Variants in PRKN observed in about 807,000 individuals in gnomAD.
PRKN encodes E3 ubiquitin-protein ligase parkin.
PRKN carries 56 observed loss-of-function variants against 59.5 expected under a neutral mutation model. The ratio of observed to expected loss-of-function variants is 0.94; its 90% CI spans 0.76 to 1.18. The LOEUF is 1.18. Among genes scored for constraint, PRKN ranks in the 50% most tolerant of loss-of-function variants. The pLI, the probability that PRKN is intolerant of heterozygous loss-of-function variation, is 0.00. For missense variants in PRKN, 657 were observed against 596.4 expected, an observed-to-expected ratio of 1.10 and a Z score of -1.06; for synonymous variants, 250 against 222.1, an observed-to-expected ratio of 1.13 and a Z score of -1.12.
chr6:162,274,714 A>G (rs1780543700), intron 2 of PRKN, among the ~76,000 whole-genome samples: 1 of 152,202 alleles, frequency 6.6e-6, no homozygotes, highest in African/African-American at 2.4e-5. Context: ...AGAATTTCTC[A>G]TAATCTAAAT....
chr6:162,603,443 C>A (rs1781786740), intron 1 of PRKN, among the ~76,000 whole-genome samples: 1 of 152,146 alleles, frequency 6.6e-6, no homozygotes, highest in South Asian at 2.1e-4. Flanking sequence ...GGAACCCAGT[C>A]CCACCCGTTC....
At chr6:161,890,218 C>A (rs1370708044) in intron 6 of PRKN, among the ~76,000 whole-genome samples, 1 of 152,162 alleles carries the variant, frequency 6.6e-6, no homozygotes, top group East Asian at 1.9e-4. Context: ...AGGCTTTCTT[C>A]CTGAGATGCT....
chr6:162,090,183 T>A (rs1779422276), intron 4 of PRKN, among the ~76,000 whole-genome samples: 1 of 152,062 alleles, frequency 6.6e-6, no homozygotes, highest in African/African-American at 2.4e-5. Context: ...TGTGTGTGTA[T>A]CAGATCATTA....
chr6:161,873,619 A>C (rs1794436064), intron 6 of PRKN, among the ~76,000 whole-genome samples: 1 of 151,902 alleles, frequency 6.6e-6, no homozygotes, highest in Non-Finnish European at 1.5e-5. Flanking sequence ...CCCAAACTAC[A>C]AAATTAAAAC....
chr6:162,674,894 G>A (rs1480176477), intron 1 of PRKN, among the ~76,000 whole-genome samples: 1 of 152,164 alleles, frequency 6.6e-6, no homozygotes, highest in Non-Finnish European at 1.5e-5. Context: ...GGGACAGTCA[G>A]AAGAATTAGC....
At chr6:161,759,560 T>C (rs78460417) in intron 7 of PRKN, among the ~76,000 whole-genome samples, 2,997 of 152,274 alleles carry the variant, frequency 0.02, 68 homozygotes, top group South Asian at 0.072. Flanking sequence ...GCATGACAGA[T>C]TTTCGGCACC....
chr6:161,990,793 C>G (rs1034618135), intron 5 of PRKN, among the ~76,000 whole-genome samples: 1 of 152,166 alleles, frequency 6.6e-6, no homozygotes, highest in East Asian at 1.9e-4. Flanking sequence ...TTGGGGTGTT[C>G]CAGATGGTGA....
intron 6 of PRKN, among the ~76,000 whole-genome samples, chr6:161,798,940 ATC>A (rs2128210060): frequency 6.6e-6 from 1 of 152,194 alleles, no homozygotes; most frequent in South Asian, 2.1e-4. Flanking sequence ...CACCCTTTTC[ATC>A]ACAGGTCCCC....
In PRKN at chr6:161,499,112, C is replaced by G. The variant is rs6928820; in HGVS notation, c.1083+49742G>C. Among the ~76,000 whole-genome samples the G allele has an allele frequency of 0.72, 107,782 of 150,710 alleles. 38,830 individuals carry two copies. Among genetic ancestry groups the G allele is most frequent in the Middle Eastern group, 0.81 (235 of 290 alleles). ...ACAACTGGTGGCTTGTGAGCAGGGT[C>G]TGGACACACACACACACACATTTTT... On this transcript the variant is annotated intron_variant, in intron 9 of 11. Coordinates refer to ENST00000366898, the MANE Select transcript of PRKN (RefSeq NM_004562.3). This position sits in a 1 kb window ranked among gnomAD's most constrained non-coding sequence, Gnocchi z 4.2.
chr6:162,166,780 A>G (rs1783007033), intron 4 of PRKN, among the ~76,000 whole-genome samples: 1 of 152,196 alleles, frequency 6.6e-6, no homozygotes, highest in African/African-American at 2.4e-5. Flanking sequence ...ATTAGTAGAC[A>G]GATGCTCTAG....
intron 3 of PRKN, among the ~76,000 whole-genome samples, chr6:162,233,681 G>A (rs535238335): frequency 4.3e-4 from 65 of 152,158 alleles, no homozygotes; most frequent in Non-Finnish European, 5.9e-4. Context: ...GGACGTGTCC[G>A]CCAGATTTCA....
chr6:162,458,048 G>GT (rs1416408028), intron 1 of PRKN, among the ~76,000 whole-genome samples: 3 of 151,682 alleles, frequency 2.0e-5, no homozygotes, highest in African/African-American at 7.3e-5. Context: ...GAGGTCAGGA[G>GT]TTTGAGACCA....
At chr6:161,478,664 G>A (rs1791242903) in intron 9 of PRKN, among the ~76,000 whole-genome samples, 1 of 152,130 alleles carries the variant, frequency 6.6e-6, no homozygotes, top group African/African-American at 2.4e-5. Context: ...GGGCAACATG[G>A]CAAAGCCTTG....
At chr6:162,151,688 T>C (rs569011386) in intron 4 of PRKN, among the ~76,000 whole-genome samples, 2 of 152,236 alleles carry the variant, frequency 1.3e-5, no homozygotes, top group African/African-American at 2.4e-5. Flanking sequence ...CCATAACCAA[T>C]GAACACTGGC....
intron 1 of PRKN, among the ~76,000 whole-genome samples, chr6:162,710,414 C>CACACACACACACAA (rs759309558): frequency 4.9e-4 from 73 of 150,084 alleles, no homozygotes; most frequent in African/African-American, 1.8e-3. Flanking sequence ...CACACACACA[C>CACACACACACACAA]AACTGTTTGG....
chr6:161,403,999 C>G (rs1163159122), intron 9 of PRKN, among the ~76,000 whole-genome samples: 1 of 152,132 alleles, frequency 6.6e-6, no homozygotes, highest in African/African-American at 2.4e-5. Context: ...ATTACCCAGT[C>G]TGTGGTATTC....
At position 162,135,451 on chromosome 6, in the gene PRKN, G is replaced by A. The variant is rs192670504; in HGVS notation, c.534+65680C>T. ...ATCCTAGCTCTTCAGTGGGTTGGAA[G>A]GTGCATACTTCATTCACCTATTAAG... On this transcript the variant is annotated intron_variant, in intron 4 of 11. Transcript: ENST00000366898. Among the ~76,000 whole-genome samples the A allele has an allele frequency of 5.9e-4, 90 of 152,312 alleles. 2 individuals carry two copies. Among genetic ancestry groups the A allele is most frequent in the African/African-American group, 2.2e-3 (90 of 41,570 alleles).
intron 1 of PRKN, among the ~76,000 whole-genome samples, chr6:162,700,851 T>C (rs935849186): frequency 6.6e-6 from 1 of 152,048 alleles, no homozygotes; most frequent in South Asian, 2.1e-4. Flanking sequence ...TATACATCCT[T>C]CAAGATCCAA....
chr6:162,316,619 T>C (rs1782764155), intron 2 of PRKN, among the ~76,000 whole-genome samples: 1 of 152,122 alleles, frequency 6.6e-6, no homozygotes, highest in African/African-American at 2.4e-5. Context: ...GTTCTAGACT[T>C]ATTGGCTCTA....
Sources: gnomAD v4.1 joint callset for allele counts (sites outside exome capture counted in the v4.1 genomes callset) on GRCh38, gnomAD v4.1.1 for gene constraint, Gnocchi (gnomAD v3.1) non-coding constraint, MANE v1.5 for transcripts, NCBI Gene and HGNC (gene_info 2026-07-23, HGNC 2026-07-21) for gene names.